NDRG4: variants seen among roughly 807,000 people sequenced by gnomAD.
NDRG4 encodes the protein protein NDRG4.
In NDRG4, 38 loss-of-function variants were observed where a neutral mutation model predicts 55.8. That is an observed-to-expected ratio of 0.68 (90% confidence interval 0.53 to 0.89). NDRG4 has a LOEUF of 0.89. Ranked by LOEUF, NDRG4 falls within the 40% of genes least tolerant of loss-of-function variation. The pLI is 0.00. For synonymous variants in NDRG4, 190 were observed against 182.7 expected (o/e 1.04, Z -0.32); for missense variants, 455 against 468.6 (o/e 0.97, Z 0.27).
chr16:58,464,879 C>T lies in NDRG4; in HGVS notation c.-24+1082C>T, dbSNP rs2031266151. 2 of 1,187,308 alleles carry T rather than the reference C, an allele frequency of 1.7e-6. No homozygotes were observed. Among genetic ancestry groups the T allele is most frequent in the Non-Finnish European group, 2.1e-6 (2 of 945,968 alleles). The allele number at this position is 1,187,308 out of a possible 1,614,324, so 73.5% of individuals were successfully genotyped here. A position where few individuals can be genotyped will look rare whatever the true frequency, so the allele number is the denominator to read the frequency against. ...CTGTGACAATCTGAGCCGTCTTTCT[C>T]TGGGGGAGAAGTTTCTTGCTGGGAG... On this transcript the variant is annotated intron_variant, in intron 1 of 15. Transcript: ENST00000258187. The surrounding 1 kb of genome is among the most constrained non-coding windows in gnomAD (Gnocchi z 4.8).
At chr16:58,505,573 A>G (rs1352953467) in intron 5 of NDRG4, among the ~76,000 whole-genome samples, 1 of 151,968 alleles carries the variant, frequency 6.6e-6, no homozygotes, top group East Asian at 1.9e-4. Flanking sequence ...CACCCTAGAC[A>G]AGCTTGATGT....
At chr16:58,497,681 C>G (rs1339567563), upstream of NDRG4, among the ~76,000 whole-genome samples, 1 of 152,174 alleles carries the variant, frequency 6.6e-6, no homozygotes, top group Non-Finnish European at 1.5e-5. Flanking sequence ...AGTGGCAGAG[C>G]TATGAGTGGC....
rs564206107 is a variant in NDRG4, at chr16:58,481,881, C to T, written c.-23-5875C>T. Among the ~76,000 whole-genome samples, 28 of 152,294 alleles carry T rather than the reference C, an allele frequency of 1.8e-4. 1 individual carries two copies. The East Asian group carries it at 5.4e-3, about 29-fold the overall frequency. On this transcript the variant is annotated intron_variant, in intron 1 of 15. Transcript: ENST00000258187. ...GGAGAGAAATAAGAGGGTCCAGTTCCCTGGACAGTTCCAGACCCCCTATAT... is the reference window on the plus strand; with the variant it reads ...GGAGAGAAATAAGAGGGTCCAGTTCTCTGGACAGTTCCAGACCCCCTATAT...
In NDRG4 at chr16:58,506,619, G is replaced by C. The variant is rs768756934; in HGVS notation, c.516+5G>C. The C allele has an allele frequency of 1.7e-5, 26 of 1,551,016 alleles. No homozygotes were observed. The highest frequency in any genetic ancestry group is 7.2e-5 in the South Asian group (6 of 83,834). On this transcript the variant is annotated splice_donor_5th_base_variant and intron_variant, in intron 7 of 14. Transcript: ENST00000570248. ...CTCTCCCACCTCTTCAGCCAGGTAA[G>C]GGGGGGAACTTCTGCAGATCTGGGG...
intron 1 of NDRG4, among the ~76,000 whole-genome samples, chr16:58,503,073 A>G (rs1321223210): frequency 6.6e-6 from 1 of 152,220 alleles, no homozygotes; most frequent in Non-Finnish European, 1.5e-5. Context: ...TGACATGCTC[A>G]GTCACAAGTA....
intron 2 of NDRG4, 43 bp from the exon 3 acceptor site, chr16:58,504,111 C>T (rs764299501): frequency 1.1e-5 from 17 of 1,611,234 alleles, no homozygotes; most frequent in Non-Finnish European, 1.4e-5. Flanking sequence ...CTTCCAGTCC[C>T]CCGGCCCCTC....
At position 58,464,355 on chromosome 16, in the gene NDRG4, G is replaced by T; in HGVS notation, c.-24+558G>T. ...CCTGCCGCTCCGCTCCGGGTCTCCC[G>T]CGCTCCTCTCCCCGGCTCGGCCGAG... On this transcript the variant is annotated intron_variant, in intron 1 of 15. Transcript: ENST00000258187. The surrounding 1 kb of genome is among the most constrained non-coding windows in gnomAD (Gnocchi z 4.8). 1 of 1,290,384 alleles carries T rather than the reference G, an allele frequency of 7.7e-7. No individual in the cohort carries two copies. Among genetic ancestry groups the T allele is most frequent in the African/African-American group, 1.6e-5 (1 of 64,206 alleles). The allele number at this position is 1,290,384 out of a possible 1,614,324, so 79.9% of individuals were successfully genotyped here.
At chr16:58,469,565 G>C (rs2032368185) in intron 1 of NDRG4, among the ~76,000 whole-genome samples, 1 of 152,062 alleles carries the variant, frequency 6.6e-6, no homozygotes, top group Admixed American at 6.6e-5. Context: ...ATTGTTTATA[G>C]AAGCAAAAAA....
chr16:58,508,824 C>T, intron 10 of NDRG4, 138 bp from the exon 11 acceptor site: 1 of 863,374 alleles, frequency 1.2e-6, no homozygotes, highest in South Asian at 1.6e-5. Flanking sequence ...CTGGGAGGAG[C>T]AGCCTGTCAC....
intron 1 of NDRG4, among the ~76,000 whole-genome samples, chr16:58,483,547 C>T (rs886612932): frequency 4.6e-5 from 7 of 152,184 alleles, no homozygotes; most frequent in African/African-American, 7.2e-5. Flanking sequence ...TGTCCCCCAG[C>T]CAAAGGGGCT....
At position 58,513,568 on chromosome 16, in the gene NDRG4, A is replaced by C. The variant is rs2039012472; in HGVS notation, c.*1992A>C. 6.6e-6 allele frequency: 1 copy of C among 151,740 alleles called. No homozygotes were observed. Among genetic ancestry groups the C allele is most frequent in the African/African-American group, 2.4e-5 (1 of 41,416 alleles). 9.4% of individuals were successfully genotyped at this position (151,740 alleles called of 1,614,324 possible). ...TTCTATTTCCAGTACACGTCACATTATTTTACCGGTGAGATGAGAATGTCA... is the reference window on the plus strand; with the variant it reads ...TTCTATTTCCAGTACACGTCACATTCTTTTACCGGTGAGATGAGAATGTCA... On this transcript the variant is annotated 3_prime_UTR_variant, in exon 15 of 15. Coordinates refer to ENST00000570248, the MANE Select transcript of NDRG4 (RefSeq NM_001242835.2).
upstream of NDRG4, chr16:58,499,896 G>A (rs1425474635): frequency 2.5e-5 from 11 of 438,430 alleles, no homozygotes; most frequent in Admixed American, 1.1e-4. Flanking sequence ...GTGCCTATGT[G>A]CTGGGGGCGG....
chr16:58,495,046 C>G (rs2036241789), intron 3 of NDRG4: 2 of 1,604,898 alleles, frequency 1.2e-6, no homozygotes, highest in Admixed American at 1.7e-5. Flanking sequence ...GTGGGACTGA[C>G]AGCTGGCAGC....
intron 14 of NDRG4, 174 bp from the exon 15 acceptor site, chr16:58,511,248 G>A (rs2038762653): frequency 4.2e-6 from 3 of 706,718 alleles, no homozygotes; most frequent in Admixed American, 2.5e-5. Flanking sequence ...ACTCACTGTC[G>A]CCGGCCCTGC....
intron 1 of NDRG4, among the ~76,000 whole-genome samples, chr16:58,472,595 G>T (rs2151578334): frequency 6.6e-6 from 1 of 152,280 alleles, no homozygotes; most frequent in Non-Finnish European, 1.5e-5. Flanking sequence ...TAGGTCTCTT[G>T]GGTGCAAGTG....
At chr16:58,508,105 A>G in intron 10 of NDRG4, 106 bp downstream of exon 10, 2 of 1,042,876 alleles carry the variant, frequency 1.9e-6, no homozygotes, top group Non-Finnish European at 1.4e-6. Context: ...GGGAGCCTCC[A>G]GGGCCAGCAG....
Position 58,504,105 on chromosome 16 carries a change from C to T in NDRG4, c.128-49C>T, listed in dbSNP as rs190576391. The stretch of plus-strand genomic sequence containing the variant: ...CCCTCTGGGGGCCCGGCCTTCCTTC[C>T]AGTCCCCCGGCCCCTCTGCTCAGCC... On this transcript the variant is annotated intron_variant, in intron 2 of 14. Transcript: ENST00000570248. 46 of 1,609,044 alleles carry T rather than the reference C, an allele frequency of 2.9e-5. No homozygotes were observed. The Admixed American group carries it at 3.8e-4, about 13-fold the overall frequency.
intron 2 of NDRG4, chr16:58,494,842 AAAAAAG>A: frequency 1.2e-6 from 1 of 809,950 alleles, no homozygotes. Context: ...TAAAAAAAAA[AAAAAAG>A]AAAAGAAAAG....
chr16:58,480,587 A>G (rs1411046793), intron 1 of NDRG4, among the ~76,000 whole-genome samples: 2 of 152,232 alleles, frequency 1.3e-5, no homozygotes, highest in African/African-American at 2.4e-5. Flanking sequence ...TTGAGCAACA[A>G]AAATGTTTAT....
Sources: gnomAD v4.1 joint callset for allele counts (sites outside exome capture counted in the v4.1 genomes callset) on GRCh38, gnomAD v4.1.1 for gene constraint, Gnocchi (gnomAD v3.1) non-coding constraint, MANE v1.5 for transcripts, NCBI Gene and HGNC (gene_info 2026-07-23, HGNC 2026-07-21) for gene names.